Variants in SYNPO2 observed in about 807,000 individuals in gnomAD.
The protein encoded by SYNPO2 is synaptopodin-2.
SYNPO2 carries 56 observed loss-of-function variants against 85.0 expected under a neutral mutation model. The observed-to-expected ratio is 0.66, with a 90% CI of 0.53 to 0.82. SYNPO2 has a LOEUF of 0.82. SYNPO2 is among the 40% of genes least tolerant of loss of function. SYNPO2 has a pLI of 0.00. For synonymous variants in SYNPO2, 602 were observed against 591.1 expected, an observed-to-expected ratio of 1.02 and a Z score of -0.27; for missense variants, 1,575 against 1,534.2, an observed-to-expected ratio of 1.03 and a Z score of -0.44.
intron 4 of SYNPO2, 168 bp downstream of exon 4, chr4:119,032,195 TATAA>T (rs1161605372): frequency 6.9e-7 from 1 of 1,441,140 alleles, no homozygotes; most frequent in Non-Finnish European, 9.1e-7. Flanking sequence ...GTCCAAGGAG[TATAA>T]TATTTTTAAT....
At chr4:118,869,783 A>G (rs1360228009) in intron 1 of SYNPO2, among the ~76,000 whole-genome samples, 1 of 152,202 alleles carries the variant, frequency 6.6e-6, no homozygotes, top group Non-Finnish European at 1.5e-5. Flanking sequence ...TTCAGGCACC[A>G]TTCTAAATGC....
chr4:118,978,526 GA>G (rs1735877705), intron 1 of SYNPO2, among the ~76,000 whole-genome samples: 1 of 152,072 alleles, frequency 6.6e-6, no homozygotes, highest in Admixed American at 6.5e-5. Context: ...GTTGGCTTAT[GA>G]ATAATCAGGG....
chr4:118,911,584 C>G (rs183238393), intron 1 of SYNPO2, among the ~76,000 whole-genome samples: 1 of 152,042 alleles, frequency 6.6e-6, no homozygotes, highest in Non-Finnish European at 1.5e-5. Flanking sequence ...TGGCAAGTTC[C>G]CATGATAGCA....
At position 119,039,661 on chromosome 4, in the gene SYNPO2, A is replaced by G. The variant is rs535594926; in HGVS notation, c.3252+7634A>G. On this transcript the variant is annotated intron_variant, in intron 4 of 4. Transcript: ENST00000307142. Reference sequence around the variant, plus strand: ...CTCAAACACCTACCGCTTCCAGCCAACCAGCATCACATATTACCAGAGTTA... The same window carrying G: ...CTCAAACACCTACCGCTTCCAGCCAGCCAGCATCACATATTACCAGAGTTA... Among the ~76,000 whole-genome samples, 16 of 152,318 alleles carry G rather than the reference A, an allele frequency of 1.1e-4. No homozygotes were observed. In the South Asian group the frequency reaches 3.3e-3, roughly 32 times the overall value.
At chr4:118,893,158 T>C (rs544967903) in intron 1 of SYNPO2, among the ~76,000 whole-genome samples, 3 of 152,334 alleles carry the variant, frequency 2.0e-5, no homozygotes, top group African/African-American at 7.2e-5. Flanking sequence ...TTTTAAGCCC[T>C]TTCTAGGAAT....
intron 1 of SYNPO2, among the ~76,000 whole-genome samples, chr4:118,968,284 G>A (rs1452231883): frequency 6.6e-6 from 1 of 152,202 alleles, no homozygotes; most frequent in Non-Finnish European, 1.5e-5. Context: ...ACTTGCTAAT[G>A]CCAATCAGAC....
rs149101748 is a variant in SYNPO2 at position 118,859,735 on chromosome 4, T to C, written c.12+8795T>C. 4.7e-3 allele frequency among the ~76,000 whole-genome samples: 719 copies of C among 152,358 alleles called. 6 individuals are homozygous for C. Among genetic ancestry groups the C allele is most frequent in the African/African-American group, 0.016 (678 of 41,584 alleles). On this transcript the variant is annotated intron_variant, in intron 1 of 4. Coordinates refer to the SYNPO2 transcript ENST00000610556. ...CCAGTTCCATCCATGTCATTGCAAATGACTGGATTTCATTCTTTTCTACGG... is the reference window on the plus strand; with the variant it reads ...CCAGTTCCATCCATGTCATTGCAAACGACTGGATTTCATTCTTTTCTACGG...
In SYNPO2 at chr4:118,910,925, A is replaced by G. The variant is rs554114503; in HGVS notation, c.105+21784A>G. On this transcript the variant is annotated intron_variant, in intron 1 of 4. Transcript: ENST00000307142. ...AGTACTTTATTTTCTAAAATTGTCA[A>G]TGCCTTGTGCTGTCAATGCCTGTGC... 1.7e-3 allele frequency among the ~76,000 whole-genome samples: 255 copies of G among 152,302 alleles called. 1 individual carries two copies. Among genetic ancestry groups the G allele is most frequent in the African/African-American group, 5.6e-3 (234 of 41,560 alleles).
intron 1 of SYNPO2, among the ~76,000 whole-genome samples, chr4:118,909,792 A>G (rs1388810262): frequency 6.6e-6 from 1 of 152,202 alleles, no homozygotes; most frequent in South Asian, 2.1e-4. Flanking sequence ...TTACACTTAT[A>G]TCTGTGTGAT....
chr4:118,947,933 G>C (rs1303698221), intron 1 of SYNPO2, among the ~76,000 whole-genome samples: 1 of 152,162 alleles, frequency 6.6e-6, no homozygotes, highest in Non-Finnish European at 1.5e-5. Context: ...ATTGCTTAAT[G>C]CCACTTTAGT....
chr4:118,882,955 G>T (rs1415115919), intron 1 of SYNPO2, among the ~76,000 whole-genome samples: 1 of 151,846 alleles, frequency 6.6e-6, no homozygotes, highest in African/African-American at 2.4e-5. Context: ...GTGAGACGGG[G>T]TTTCACTATG....
chr4:118,949,999 G>A (rs1734643946), intron 1 of SYNPO2, among the ~76,000 whole-genome samples: 1 of 152,284 alleles, frequency 6.6e-6, no homozygotes, highest in East Asian at 1.9e-4. Flanking sequence ...CCACTAGGTA[G>A]CTTTAGCTTT....
intron 1 of SYNPO2, among the ~76,000 whole-genome samples, chr4:118,989,012 CA>C (rs1736317899): frequency 6.6e-6 from 1 of 152,126 alleles, no homozygotes; most frequent in South Asian, 2.1e-4. Context: ...AAAAAAAGAA[CA>C]AGGTGGTCAC....
At chr4:118,986,220 T>C (rs1490506667) in intron 1 of SYNPO2, among the ~76,000 whole-genome samples, 2 of 152,192 alleles carry the variant, frequency 1.3e-5, no homozygotes, top group Non-Finnish European at 2.9e-5. Context: ...AATCAGCCCA[T>C]AGGATGCCCT....
At position 118,963,658 on chromosome 4, in the gene SYNPO2, GTTTAT is replaced by G. The variant is rs959765849; in HGVS notation, c.106-59767_106-59763del. 6.2e-4 allele frequency among the ~76,000 whole-genome samples: 95 copies of G among 152,122 alleles called. 1 individual carries two copies. Among genetic ancestry groups the G allele is most frequent in the African/African-American group, 2.3e-3 (94 of 41,500 alleles). ...AAAAAAATCAGATTTTATTATACTT[GTTTAT>G]TTTACCAGTTGATCAAATTCTCAGG... On this transcript the variant is annotated intron_variant, in intron 1 of 4. Coordinates refer to ENST00000307142, the MANE Select transcript of SYNPO2 (RefSeq NM_133477.3).
chr4:118,918,311 A>G (rs150961156), intron 1 of SYNPO2, among the ~76,000 whole-genome samples: 3 of 152,300 alleles, frequency 2.0e-5, no homozygotes, highest in African/African-American at 7.2e-5. Context: ...TAATTTGTTT[A>G]TATGTAATAG....
At chr4:119,022,227 A>G (rs544265984) in intron 1 of SYNPO2, among the ~76,000 whole-genome samples, 1 of 152,226 alleles carries the variant, frequency 6.6e-6, no homozygotes, top group Non-Finnish European at 1.5e-5. Flanking sequence ...TCTTATAGTC[A>G]TGGCGTTTCA....
chr4:119,011,175 C>T (rs1171880728), intron 1 of SYNPO2, among the ~76,000 whole-genome samples: 1 of 152,344 alleles, frequency 6.6e-6, no homozygotes, highest in Admixed American at 6.5e-5. Context: ...TGCCACAGCC[C>T]AGTTCAGCTC....
Position 118,866,846 on chromosome 4 carries a change from T to G in SYNPO2, c.12+15906T>G, listed in dbSNP as rs555578587. ...AGGCCTCACCAGCCATGTGGAACTG[T>G]AAGCCTATTAAACCTTTTTTCTTCA... On this transcript the variant is annotated intron_variant, in intron 1 of 4. Transcript: ENST00000610556. 9.2e-5 allele frequency among the ~76,000 whole-genome samples: 14 copies of G among 152,346 alleles called. No individual in the cohort carries two copies. The South Asian group carries it at 2.7e-3, about 29-fold the overall frequency.
Sources: allele counts gnomAD v4.1 joint callset (sites outside exome capture counted in the v4.1 genomes callset), GRCh38; gene constraint gnomAD v4.1.1; transcripts MANE v1.5; gene names NCBI Gene and HGNC (gene_info 2026-07-23, HGNC 2026-07-21).